The following DACH2 variants were observed in gnomAD, a reference collection of about 807,000 sequenced individuals.
The protein encoded by DACH2 is dachshund homolog 2.
A neutral mutation model predicts 35.8 loss-of-function variants in DACH2; 17 were observed. The observed-to-expected ratio is 0.48, with a 90% CI of 0.33 to 0.71. DACH2 has a LOEUF of 0.71. Ranked by LOEUF, DACH2 falls within the 30% of genes least tolerant of loss-of-function variation. The pLI, the probability that DACH2 is intolerant of heterozygous loss-of-function variation, is 0.02. For missense variants in DACH2, 469 were observed against 472.7 expected, an observed-to-expected ratio of 0.99 and a Z score of 0.07; for synonymous variants, 195 against 177.3, an observed-to-expected ratio of 1.10 and a Z score of -0.79.
chrX:86,464,511 G>C (rs368810930), intron 2 of DACH2, among the ~76,000 whole-genome samples: 1 of 110,125 alleles, frequency 9.1e-6, no homozygotes, highest in Non-Finnish European at 1.9e-5. Flanking sequence ...ACACACTAGG[G>C]CCTGTCAGGG....
At chrX:86,431,518 G>T (rs752737569) in intron 2 of DACH2, among the ~76,000 whole-genome samples, 10 of 111,504 alleles carry the variant, frequency 9.0e-5, no homozygotes, top group Non-Finnish European at 1.9e-4. Flanking sequence ...TCAGACATAG[G>T]ATGTGAATGT....
At chrX:86,546,503 CTTTTT>C (rs35560036) in intron 3 of DACH2, among the ~76,000 whole-genome samples, 7,838 of 69,689 alleles carry the variant, frequency 0.11, 567 homozygotes, top group African/African-American at 0.27. Flanking sequence ...CTTCTTCTTT[CTTTTT>C]TTTTTTTTTT....
chrX:86,773,472 A>T, intron 7 of DACH2, among the ~76,000 whole-genome samples: 1 of 112,042 alleles, frequency 8.9e-6, no homozygotes, highest in South Asian at 3.6e-4. Context: ...GTTTAACACA[A>T]ATCTGATTTT....
chrX:86,148,791 C>T lies in DACH2; in HGVS notation c.171C>T (p.Gly57=), dbSNP rs1569282936. ...VVNNHSNSAG[G]GGRGNTNTNE... ...ATAACCACAGCAACAGTGCCGGAGG[C>T]GGCGGCAGGGGCAACACCAACACCA... Residue 57 remains glycine, a synonymous_variant, in exon 1 of 12, where the codon GGC becomes GGT. Transcript: ENST00000373125. 2 of 1,211,338 alleles carry T rather than the reference C, an allele frequency of 1.7e-6. No individual in the cohort carries two copies. Among genetic ancestry groups the T allele is most frequent in the East Asian group, 3.0e-5 (1 of 33,804 alleles).
intron 2 of DACH2, among the ~76,000 whole-genome samples, chrX:86,487,227 T>C (rs754184120): frequency 1.8e-5 from 2 of 111,851 alleles, no homozygotes; most frequent in Non-Finnish European, 3.8e-5. Context: ...TATGGGCACA[T>C]TGGAATTGTA....
chrX:86,645,663 A>G (rs945167748), intron 3 of DACH2, among the ~76,000 whole-genome samples: 3 of 111,585 alleles, frequency 2.7e-5, no homozygotes, highest in Non-Finnish European at 3.8e-5. Context: ...ATGTCCATCA[A>G]TGATGGACTG....
chrX:86,458,685 T>C (rs770637318), intron 2 of DACH2, among the ~76,000 whole-genome samples: 1 of 112,012 alleles, frequency 8.9e-6, no homozygotes, highest in Non-Finnish European at 1.9e-5. Context: ...CCAAATAATT[T>C]ATAATGAAAA....
chrX:86,305,367 T>C (rs933075776), intron 1 of DACH2, among the ~76,000 whole-genome samples: 1 of 111,948 alleles, frequency 8.9e-6, no homozygotes, highest in Admixed American at 9.5e-5. Flanking sequence ...ACACTGTTTT[T>C]TGATGTTGTC....
intron 4 of DACH2, among the ~76,000 whole-genome samples, chrX:86,685,884 C>G (rs757426110): frequency 1.5e-3 from 167 of 111,489 alleles, no homozygotes; most frequent in Non-Finnish European, 2.7e-3. Flanking sequence ...GGCCCCACCT[C>G]CAGCATTCGA....
At chrX:86,800,589 T>C (rs1404342812) in intron 7 of DACH2, among the ~76,000 whole-genome samples, 1 of 112,217 alleles carries the variant, frequency 8.9e-6, no homozygotes, top group East Asian at 2.8e-4. Context: ...AATTAAGCAT[T>C]ACTAATAGAT....
intron 1 of DACH2, among the ~76,000 whole-genome samples, chrX:86,168,183 C>T (rs957814907): frequency 6.3e-5 from 7 of 111,429 alleles, no homozygotes; most frequent in Non-Finnish European, 1.3e-4. Flanking sequence ...CTGTTTAGCT[C>T]TAATCATATT....
intron 4 of DACH2, among the ~76,000 whole-genome samples, chrX:86,659,291 C>G (rs2040579540): frequency 1.8e-5 from 2 of 110,466 alleles, no homozygotes; most frequent in Non-Finnish European, 3.8e-5. Context: ...TTTTTCAGTA[C>G]CCTTCTATAA....
At chrX:86,276,241 GAT>G (rs2033914097) in intron 1 of DACH2, among the ~76,000 whole-genome samples, 1 of 112,180 alleles carries the variant, frequency 8.9e-6, no homozygotes, top group Admixed American at 9.5e-5. Context: ...AGGGTGAGAT[GAT>G]AGATCATTGT....
intron 1 of DACH2, among the ~76,000 whole-genome samples, chrX:86,213,223 G>A (rs2032488445): frequency 9.0e-6 from 1 of 111,554 alleles, no homozygotes; most frequent in South Asian, 3.7e-4. Context: ...AATAAAGGTA[G>A]CGTAGGCCCT....
At chrX:86,252,175 CTT>C (rs1207211730) in intron 1 of DACH2, among the ~76,000 whole-genome samples, 1 of 110,127 alleles carries the variant, frequency 9.1e-6, no homozygotes, top group Non-Finnish European at 1.9e-5. Flanking sequence ...CCTTAGCCCT[CTT>C]TTTGATGTGA....
rs113884071 is a variant in DACH2, at chrX:86,372,939, C to T, written c.489-3885C>T. On this transcript the variant is annotated intron_variant, in intron 1 of 11. Transcript: ENST00000373125. Reference sequence around the variant, plus strand: ...GAAGATGCAGTATATGGTTTTCCATCCCTGTGTTAATTCTCTTAGGATAAT... The same window carrying T: ...GAAGATGCAGTATATGGTTTTCCATTCCTGTGTTAATTCTCTTAGGATAAT... Among the ~76,000 whole-genome samples, 582 of 111,270 alleles carry T rather than the reference C, an allele frequency of 5.2e-3. 3 individuals carry two copies. Among genetic ancestry groups the T allele is most frequent in the Middle Eastern group, 9.3e-3 (2 of 216 alleles).
At chrX:86,813,377 A>G (rs1171591983) in intron 9 of DACH2, 100 bp downstream of exon 9, 7 of 722,796 alleles carry the variant, frequency 9.7e-6, no homozygotes, top group Non-Finnish European at 1.4e-5. Flanking sequence ...CTGAGGCGGG[A>G]GGATCACGAG....
intron 1 of DACH2, among the ~76,000 whole-genome samples, chrX:86,158,204 C>G (rs1427357708): frequency 9.0e-6 from 1 of 111,553 alleles, no homozygotes; most frequent in African/African-American, 3.3e-5. Context: ...TATGGTTCCC[C>G]TTTTGGGTTC....
chrX:86,543,535 T>A, intron 3 of DACH2, among the ~76,000 whole-genome samples: 1 of 110,201 alleles, frequency 9.1e-6, no homozygotes, highest in Middle Eastern at 4.7e-3. Flanking sequence ...TGAAGATCAT[T>A]GAGATATAGG....
Sources: gnomAD v4.1 joint callset for allele counts (sites outside exome capture counted in the v4.1 genomes callset) on GRCh38, gnomAD v4.1.1 for gene constraint, MANE v1.5 for transcripts, NCBI Gene and HGNC (gene_info 2026-07-23, HGNC 2026-07-21) for gene names.